HDHD2: variants seen among roughly 807,000 people sequenced by gnomAD.
The protein encoded by HDHD2 is haloacid dehalogenase-like hydrolase domain-containing protein 2.
Under a neutral mutation model 24.8 loss-of-function variants are expected in HDHD2, and 26 were observed. The ratio of observed to expected loss-of-function variants is 1.05; its 90% CI spans 0.77 to 1.45. The LOEUF is 1.45. HDHD2 is among the 40% of genes most tolerant of loss of function. The pLI, the probability that HDHD2 is intolerant of heterozygous loss-of-function variation, is 0.00. For synonymous variants in HDHD2, 128 were observed against 114.9 expected (o/e 1.11, Z -0.73); for missense variants, 299 against 313.4 (o/e 0.95, Z 0.35).
chr18:47,131,482 A>ACT (rs2063713028), intron 3 of HDHD2, among the ~76,000 whole-genome samples: 1 of 152,186 alleles, frequency 6.6e-6, no homozygotes, highest in Admixed American at 6.5e-5. Context: ...TGAAATCAGT[A>ACT]ATTTCTCCAA....
rs1158442662 is a variant in HDHD2 at position 47,107,955 on chromosome 18, A to G, written c.*727T>C. ...CATCTGTAAAATACTGATAGTTTTA[A>G]TTTTACATAAAATTTCCAAAACAAC... On this transcript the variant is annotated 3_prime_UTR_variant, in exon 7 of 7. Coordinates refer to ENST00000300605, the MANE Select transcript of HDHD2 (RefSeq NM_032124.5). The G allele has an allele frequency of 1.3e-5, 2 of 152,672 alleles. No homozygotes were observed. Among genetic ancestry groups the G allele is most frequent in the Non-Finnish European group, 2.9e-5 (2 of 68,036 alleles). The allele number at this position is 152,672 out of a possible 1,614,324, so 9.5% of individuals were successfully genotyped here.
At chr18:47,144,052 T>TA (rs1435534142) in intron 1 of HDHD2, among the ~76,000 whole-genome samples, 2 of 151,812 alleles carry the variant, frequency 1.3e-5, no homozygotes, top group Admixed American at 6.6e-5. Flanking sequence ...CAATACTAGA[T>TA]AAAAAATTAT....
intron 6 of HDHD2, among the ~76,000 whole-genome samples, chr18:47,112,768 A>C (rs573268546): frequency 1.3e-5 from 2 of 152,336 alleles, no homozygotes; most frequent in Admixed American, 6.5e-5. Context: ...AAAGTACTAA[A>C]GTACCTCTGA....
rs1416387275 is a variant in HDHD2 at position 47,150,486 on chromosome 18, C to G, written c.-119G>C. 1 of 152,264 alleles carries G rather than the reference C, an allele frequency of 6.6e-6. No homozygotes were observed. Among genetic ancestry groups the G allele is most frequent in the African/African-American group, 2.4e-5 (1 of 41,470 alleles). 9.4% of individuals were successfully genotyped at this position (152,264 alleles called of 1,614,324 possible). A position where few individuals can be genotyped will look rare whatever the true frequency, so the allele number is the denominator to read the frequency against. On this transcript the variant is annotated 5_prime_UTR_variant, in exon 1 of 7. Transcript: ENST00000300605. ...GATAGACAGCCCCGCTGCTGCCCGACGGACGCCGGAAGTTGGGCCCTGGCC... is the reference window on the plus strand; with the variant it reads ...GATAGACAGCCCCGCTGCTGCCCGAGGGACGCCGGAAGTTGGGCCCTGGCC...
At chr18:47,111,321 A>G (rs1433434725) in intron 6 of HDHD2, 3 of 984,810 alleles carry the variant, frequency 3.0e-6, no homozygotes, top group Non-Finnish European at 3.6e-6. Flanking sequence ...AGACACTGAC[A>G]GAGGTACCAT....
chr18:47,119,767 G>T (rs1486213858), intron 4 of HDHD2, among the ~76,000 whole-genome samples: 1 of 152,042 alleles, frequency 6.6e-6, no homozygotes, highest in Non-Finnish European at 1.5e-5. Flanking sequence ...ATCCACCAGA[G>T]GAAATCATTG....
At chr18:47,125,821 T>C (rs1021778952) in intron 4 of HDHD2, among the ~76,000 whole-genome samples, 4 of 152,248 alleles carry the variant, frequency 2.6e-5, no homozygotes, top group African/African-American at 9.6e-5. Context: ...TATATCTATG[T>C]GTAAAATTGT....
chr18:47,136,306 A>G (rs759370600), intron 2 of HDHD2, 33 bp downstream of exon 2: 9 of 1,612,684 alleles, frequency 5.6e-6, no homozygotes, highest in Non-Finnish European at 7.6e-6. Flanking sequence ...ACTTACAAAC[A>G]TATTTGTCAG....
chr18:47,115,261 T>G lies in HDHD2; in HGVS notation c.483A>C (p.Pro161=). The change falls in exon 5 of 7, where the codon CCA becomes CCC. Residue 161 remains proline, a synonymous_variant. Coordinates refer to ENST00000300605, the MANE Select transcript of HDHD2 (RefSeq NM_032124.5). ...RKDGLALGPG[P]FVTALEYATD... ...TGGCATACTCTAAAGCAGTCACAAATGGTCCAGGCCCCAGGGCTAAGCCAT... is the reference window on the plus strand; with the variant it reads ...TGGCATACTCTAAAGCAGTCACAAAGGGTCCAGGCCCCAGGGCTAAGCCAT... 1 of 1,614,090 alleles carries G rather than the reference T, an allele frequency of 6.2e-7. No homozygotes were observed. The highest frequency in any genetic ancestry group is 8.5e-7 in the Non-Finnish European group (1 of 1,179,948).
At chr18:47,136,994 G>T (rs754308065) in intron 1 of HDHD2, 23 of 615,480 alleles carry the variant, frequency 3.7e-5, no homozygotes, top group Non-Finnish European at 6.1e-5. Context: ...TGAAGTGGCA[G>T]CTGAGGAGAC....
intron 4 of HDHD2, among the ~76,000 whole-genome samples, chr18:47,119,662 T>C (rs1317612809): frequency 6.6e-6 from 1 of 152,238 alleles, no homozygotes; most frequent in Non-Finnish European, 1.5e-5. Context: ...CTCCTGTTGA[T>C]GTTGACATTT....
intron 4 of HDHD2, among the ~76,000 whole-genome samples, chr18:47,129,803 T>C (rs1334343103): frequency 6.6e-6 from 1 of 152,200 alleles, no homozygotes; most frequent in Non-Finnish European, 1.5e-5. Flanking sequence ...TCGGGCGTGC[T>C]GGCACACGCC....
intron 4 of HDHD2, among the ~76,000 whole-genome samples, chr18:47,122,599 A>G (rs2063617925): frequency 6.6e-6 from 1 of 152,218 alleles, no homozygotes; most frequent in African/African-American, 2.4e-5. Flanking sequence ...CTCAACAGAC[A>G]TAAACTATCA....
intron 1 of HDHD2, among the ~76,000 whole-genome samples, chr18:47,143,995 T>C (rs948372174): frequency 2.0e-5 from 3 of 152,034 alleles, no homozygotes; most frequent in Non-Finnish European, 2.9e-5. Context: ...TGGGCTTCCA[T>C]AATATAGCAG....
chr18:47,123,888 C>A (rs2063631373), intron 4 of HDHD2, among the ~76,000 whole-genome samples: 1 of 152,090 alleles, frequency 6.6e-6, no homozygotes, highest in Non-Finnish European at 1.5e-5. Flanking sequence ...GTGTGGAAAT[C>A]CAAAGGAGGT....
intron 1 of HDHD2, among the ~76,000 whole-genome samples, chr18:47,143,265 C>T (rs2144385664): frequency 6.6e-6 from 1 of 152,064 alleles, no homozygotes; most frequent in African/African-American, 2.4e-5. Flanking sequence ...CAGCCTGGGC[C>T]ATAAAGCGAG....
chr18:47,128,487 C>T (rs1037503708), intron 4 of HDHD2, among the ~76,000 whole-genome samples: 1 of 152,204 alleles, frequency 6.6e-6, no homozygotes, highest in Non-Finnish European at 1.5e-5. Context: ...GTCTCTCCCT[C>T]CTCAACCAAA....
At position 47,110,471 on chromosome 18, in the gene HDHD2, T is replaced by C. The variant is rs796377201; in HGVS notation, c.677-1686A>G. On this transcript the variant is annotated intron_variant, in intron 6 of 6. Transcript: ENST00000300605. ...TTACAGGTAAGTTAATGACTAAATATTACTATATGACCTACTTTCTGGATC... is the reference window on the plus strand; with the variant it reads ...TTACAGGTAAGTTAATGACTAAATACTACTATATGACCTACTTTCTGGATC... The C allele has an allele frequency of 1.0e-5, 10 of 984,744 alleles. No homozygotes were observed. The South Asian group carries it at 2.4e-4, about 23-fold the overall frequency. The allele number at this position is 984,744 out of a possible 1,614,324, so 61.0% of individuals were successfully genotyped here. A position where few individuals can be genotyped will look rare whatever the true frequency, so the allele number is the denominator to read the frequency against.
intron 4 of HDHD2, among the ~76,000 whole-genome samples, chr18:47,122,551 T>C (rs1320553311): frequency 6.6e-6 from 1 of 152,140 alleles, no homozygotes; most frequent in Non-Finnish European, 1.5e-5. Flanking sequence ...AATGCCAAAG[T>C]GTTAACATTC....
Sources: allele counts gnomAD v4.1 joint callset (sites outside exome capture counted in the v4.1 genomes callset), GRCh38; gene constraint gnomAD v4.1.1; transcripts MANE v1.5; gene names NCBI Gene and HGNC (gene_info 2026-07-23, HGNC 2026-07-21).